The following DACH1 variants were observed in gnomAD, a reference collection of about 807,000 sequenced individuals.
The protein encoded by DACH1 is dachshund homolog 1.
In DACH1, 12 loss-of-function variants were observed where a neutral mutation model predicts 54.2. The ratio of observed to expected loss-of-function variants is 0.22; its 90% CI spans 0.14 to 0.36. DACH1 has a LOEUF of 0.36. DACH1 is among the 10% of genes least tolerant of loss of function. DACH1 has a pLI of 1.00. For synonymous variants in DACH1, 386 were observed against 366.2 expected (o/e 1.05, Z -0.62); for missense variants, 805 against 929.8 (o/e 0.87, Z 1.75).
intron 6 of DACH1, among the ~76,000 whole-genome samples, chr13:71,554,172 A>G (rs977606785): frequency 2.0e-5 from 3 of 152,058 alleles, no homozygotes; most frequent in Non-Finnish European, 4.4e-5. Context: ...CGTAGTTTCT[A>G]TCAATTTAGA....
intron 1 of DACH1, among the ~76,000 whole-genome samples, chr13:71,797,596 T>G (rs991059607): frequency 2.0e-5 from 3 of 152,090 alleles, no homozygotes; most frequent in Non-Finnish European, 4.4e-5. Flanking sequence ...GGAGACACCA[T>G]TTGGTAGCAC....
At position 71,770,604 on chromosome 13, in the gene DACH1, A is replaced by G. The variant is rs1304907108; in HGVS notation, c.849-88694T>C. ...GTAACAAATTAAAACTAAGTGACAT[A>G]ATAGGCTTTATTATAAGAAAATTAT... On this transcript the variant is annotated intron_variant, in intron 1 of 10. Coordinates refer to ENST00000613252, the MANE Select transcript of DACH1 (RefSeq NM_080759.6). 3.3e-5 allele frequency among the ~76,000 whole-genome samples: 5 copies of G among 151,802 alleles called. No homozygotes were observed. In the East Asian group the frequency reaches 7.7e-4, roughly 23 times the overall value.
At position 71,438,805 on chromosome 13, in the gene DACH1, A is replaced by G. The variant is rs1012102345; in HGVS notation, c.*1850T>C. Reference sequence around the variant, plus strand: ...TAGGAAAAGAATCCCTTGTGCTCAAACAACAAAAGGTGGTTATGGAAGAAC... The same window carrying G: ...TAGGAAAAGAATCCCTTGTGCTCAAGCAACAAAAGGTGGTTATGGAAGAAC... On this transcript the variant is annotated 3_prime_UTR_variant, in exon 11 of 11. Transcript: ENST00000613252. The G allele has an allele frequency of 3.9e-5, 6 of 152,484 alleles. No individual in the cohort carries two copies. Among genetic ancestry groups the G allele is most frequent in the Non-Finnish European group, 7.4e-5 (5 of 67,912 alleles). The allele number at this position is 152,484 out of a possible 1,614,324, so 9.4% of individuals were successfully genotyped here. A position where few individuals can be genotyped will look rare whatever the true frequency, so the allele number is the denominator to read the frequency against.
At chr13:71,646,020 T>C (rs951759245) in intron 2 of DACH1, among the ~76,000 whole-genome samples, 2 of 152,224 alleles carry the variant, frequency 1.3e-5, no homozygotes, top group East Asian at 1.9e-4. Flanking sequence ...CTTTCCTGTT[T>C]AACAGGACCA....
intron 6 of DACH1, among the ~76,000 whole-genome samples, chr13:71,494,942 C>A (rs1038497813): frequency 6.6e-6 from 1 of 151,896 alleles, no homozygotes; most frequent in African/African-American, 2.4e-5. Context: ...TCCTAAGGAA[C>A]AATGTTGTTT....
chr13:71,523,525 T>C (rs1881746615), intron 6 of DACH1, among the ~76,000 whole-genome samples: 1 of 152,078 alleles, frequency 6.6e-6, no homozygotes, highest in Non-Finnish European at 1.5e-5. Flanking sequence ...TATGTCTTTG[T>C]TAGGAAGATT....
chr13:71,855,607 T>C (rs2138275970), intron 1 of DACH1, among the ~76,000 whole-genome samples: 1 of 152,134 alleles, frequency 6.6e-6, no homozygotes, highest in South Asian at 2.1e-4. Flanking sequence ...GCCCATTTCA[T>C]GTAAGTAAAG....
intron 1 of DACH1, among the ~76,000 whole-genome samples, chr13:71,806,008 T>C (rs190182290): frequency 1.3e-5 from 2 of 152,272 alleles, no homozygotes; most frequent in South Asian, 2.1e-4. Context: ...GGTTTCTCCA[T>C]GTTGGTCAGG....
intron 1 of DACH1, among the ~76,000 whole-genome samples, chr13:71,712,555 T>C (rs1290922330): frequency 6.6e-6 from 1 of 152,176 alleles, no homozygotes; most frequent in Non-Finnish European, 1.5e-5. Context: ...GTTTAGGTTG[T>C]AGTCTAAAGT....
intron 1 of DACH1, among the ~76,000 whole-genome samples, chr13:71,779,243 ATACGTATATACG>A (rs1886247995): frequency 1.1e-5 from 1 of 94,436 alleles, no homozygotes; most frequent in South Asian, 3.9e-4. Flanking sequence ...ATACACATAT[ATACGTATATACG>A]TATATATGTG....
chr13:71,817,066 G>C, intron 1 of DACH1, among the ~76,000 whole-genome samples: 1 of 151,946 alleles, frequency 6.6e-6, no homozygotes. Flanking sequence ...TAGAATAAAA[G>C]TTTTTTAAAA....
rs1393584445 is a variant in DACH1, at chr13:71,837,804, C to G, written c.848+28118G>C. 2.7e-5 allele frequency among the ~76,000 whole-genome samples: 4 copies of G among 148,386 alleles called. No individual in the cohort carries two copies. The East Asian group carries it at 1.0e-3, about 38-fold the overall frequency. On this transcript the variant is annotated intron_variant, in intron 1 of 10. Coordinates refer to ENST00000613252, the MANE Select transcript of DACH1 (RefSeq NM_080759.6). ...ATTAAGAAAATGTGGCACATATACA[C>G]CATGGAATACTATGCAGCCATAAAA...
At chr13:71,692,481 CCTTTCTTTTT>C in intron 1 of DACH1, among the ~76,000 whole-genome samples, 1 of 126,656 alleles carries the variant, frequency 7.9e-6, no homozygotes, top group South Asian at 2.6e-4. Context: ...TTCTTTCTTT[CCTTTCTTTTT>C]CTTTCTTTTC....
At chr13:71,853,062 G>GA (rs1163230602) in intron 1 of DACH1, among the ~76,000 whole-genome samples, 1 of 151,962 alleles carries the variant, frequency 6.6e-6, no homozygotes, top group East Asian at 1.9e-4. Flanking sequence ...AATATTTCTG[G>GA]AAAAAACAGA....
intron 1 of DACH1, among the ~76,000 whole-genome samples, chr13:71,745,837 C>T (rs1021401500): frequency 2.0e-5 from 3 of 152,170 alleles, no homozygotes; most frequent in Admixed American, 6.5e-5. Context: ...TTACCATGTT[C>T]CACCACTACA....
intron 1 of DACH1, among the ~76,000 whole-genome samples, chr13:71,732,222 C>A (rs566989196): frequency 1.3e-5 from 2 of 152,200 alleles, no homozygotes; most frequent in Admixed American, 6.5e-5. Context: ...CAATCTATCT[C>A]TTCCTTCATT....
At position 71,838,831 on chromosome 13, in the gene DACH1, G is replaced by A. The variant is rs541634744; in HGVS notation, c.848+27091C>T. On this transcript the variant is annotated intron_variant, in intron 1 of 10. Coordinates refer to ENST00000613252, the MANE Select transcript of DACH1 (RefSeq NM_080759.6). The stretch of plus-strand genomic sequence containing the variant: ...AGCACACTCTGCAAACTCAATCTGC[G>A]GCTGCATTCCGTGGAGCCTACCTTT... Among the ~76,000 whole-genome samples the A allele has an allele frequency of 5.3e-5, 8 of 152,220 alleles. No homozygotes were observed. In the East Asian group the frequency reaches 9.7e-4, roughly 18 times the overall value.
intron 1 of DACH1, among the ~76,000 whole-genome samples, chr13:71,725,437 A>C (rs554079763): frequency 1.3e-5 from 2 of 152,128 alleles, no homozygotes; most frequent in Non-Finnish European, 2.9e-5. Flanking sequence ...GTGGTATCTA[A>C]CATTTAATAT....
At chr13:71,666,243 T>C (rs192399142) in intron 2 of DACH1, among the ~76,000 whole-genome samples, 1 of 152,184 alleles carries the variant, frequency 6.6e-6, no homozygotes, top group Non-Finnish European at 1.5e-5. Context: ...GTTGATTATA[T>C]CCTATGTACA....
Sources: allele counts gnomAD v4.1 joint callset (sites outside exome capture counted in the v4.1 genomes callset), GRCh38; gene constraint gnomAD v4.1.1; transcripts MANE v1.5; gene names NCBI Gene and HGNC (gene_info 2026-07-23, HGNC 2026-07-21).